The following TENM4 variants were observed in gnomAD, a reference collection of about 807,000 sequenced individuals.
TENM4 encodes the protein teneurin-4.
A neutral mutation model predicts 243.3 loss-of-function variants in TENM4; 82 were observed. The ratio of observed to expected loss-of-function variants is 0.34; its 90% CI spans 0.28 to 0.40. The LOEUF (loss-of-function observed/expected upper bound fraction) is 0.40. Among genes scored for constraint, TENM4 ranks in the 10% least tolerant of loss-of-function variants. TENM4 has a pLI of 1.00. For missense variants in TENM4, 3,138 were observed against 3,673.3 expected, an observed-to-expected ratio of 0.85 and a Z score of 3.77; for synonymous variants, 1,412 against 1,456.3, an observed-to-expected ratio of 0.97 and a Z score of 0.69.
chr11:78,941,113 C>T (rs142168750), intron 6 of TENM4, among the ~76,000 whole-genome samples: 47 of 152,310 alleles, frequency 3.1e-4, no homozygotes, highest in African/African-American at 1.1e-3. Context: ...CACAGCCTGG[C>T]GGGTGCAAAG....
At chr11:79,148,232 G>T (rs1591315750) in intron 4 of TENM4, among the ~76,000 whole-genome samples, 1 of 152,246 alleles carries the variant, frequency 6.6e-6, no homozygotes, top group South Asian at 2.1e-4. Flanking sequence ...AGATCTTGAG[G>T]AGGGACATGC....
intron 6 of TENM4, among the ~76,000 whole-genome samples, chr11:78,910,499 G>C (rs892353834): frequency 6.6e-6 from 1 of 152,230 alleles, no homozygotes; most frequent in African/African-American, 2.4e-5. Context: ...TATCAACACA[G>C]TCAGCAGTCG....
rs1277131502 is a variant in TENM4 at position 79,438,160 on chromosome 11, TG to T, written c.-321+2348del. 6.6e-6 allele frequency among the ~76,000 whole-genome samples: 1 copy of T among 152,060 alleles called. No homozygotes were observed. Among genetic ancestry groups the T allele is most frequent in the African/African-American group, 2.4e-5 (1 of 41,406 alleles). ...ACATCACCATCTCCTGACTGCGGGC[TG>T]GGGGGAAGGGAGTTCAGGGCCAATG... On this transcript the variant is annotated intron_variant, in intron 1 of 33. Coordinates refer to ENST00000278550, the MANE Select transcript of TENM4 (RefSeq NM_001098816.3). The surrounding 1 kb of genome is among the most constrained non-coding windows in gnomAD (Gnocchi z 4.1).
intron 6 of TENM4, among the ~76,000 whole-genome samples, chr11:79,012,151 T>G (rs1011800194): frequency 1.3e-5 from 2 of 152,180 alleles, no homozygotes; most frequent in Non-Finnish European, 2.9e-5. Flanking sequence ...GACGCAAAGT[T>G]GAATTTGATC....
intron 12 of TENM4, among the ~76,000 whole-genome samples, chr11:78,825,993 C>T (rs1185986108): frequency 6.6e-6 from 1 of 151,014 alleles, no homozygotes; most frequent in African/African-American, 2.4e-5. Context: ...TGGGGAGCTG[C>T]TAATTAGTCT....
In TENM4 at chr11:78,673,749, G is replaced by A. The variant is rs149119675; in HGVS notation, c.5497-1420C>T. On this transcript the variant is annotated intron_variant, in intron 30 of 33. Transcript: ENST00000278550. Reference sequence around the variant, plus strand: ...TTCCATTAAATGACAGCAAACGATCGTGGTCATATCCCAGGAAGGAGAGAT... The same window carrying A: ...TTCCATTAAATGACAGCAAACGATCATGGTCATATCCCAGGAAGGAGAGAT... Among the ~76,000 whole-genome samples, 554 of 152,320 alleles carry A rather than the reference G, an allele frequency of 3.6e-3. 1 individual carries two copies. Among genetic ancestry groups the A allele is most frequent in the Non-Finnish European group, 6.8e-3 (464 of 68,018 alleles).
intron 6 of TENM4, among the ~76,000 whole-genome samples, chr11:78,910,175 G>T (rs909406107): frequency 6.6e-6 from 1 of 152,200 alleles, no homozygotes; most frequent in Non-Finnish European, 1.5e-5. Context: ...GTGCCAGGCT[G>T]AGTGCCCACA....
chr11:79,038,286 T>C (rs942609156), intron 6 of TENM4, among the ~76,000 whole-genome samples: 3 of 152,238 alleles, frequency 2.0e-5, no homozygotes, highest in Admixed American at 6.5e-5. Context: ...TAATCATGTC[T>C]ACTTAGATGC....
At chr11:79,048,445 G>A (rs886404470) in intron 6 of TENM4, among the ~76,000 whole-genome samples, 6 of 152,170 alleles carry the variant, frequency 3.9e-5, no homozygotes, top group African/African-American at 1.4e-4. Flanking sequence ...ACAGTAGGCA[G>A]TCTAGAGCAA....
At chr11:79,088,829 T>A (rs1292569904) in intron 4 of TENM4, among the ~76,000 whole-genome samples, 1 of 152,144 alleles carries the variant, frequency 6.6e-6, no homozygotes, top group Non-Finnish European at 1.5e-5. Flanking sequence ...TGTGCTGGGA[T>A]TGAAGGTGAC....
chr11:79,178,269 A>G (rs1863208315), intron 3 of TENM4, among the ~76,000 whole-genome samples: 2 of 152,178 alleles, frequency 1.3e-5, no homozygotes, highest in African/African-American at 4.8e-5. Flanking sequence ...AGGTTTGAGA[A>G]GAGCTGTTGC....
chr11:78,889,300 A>G (rs1855610785), intron 9 of TENM4, among the ~76,000 whole-genome samples: 1 of 152,202 alleles, frequency 6.6e-6, no homozygotes, highest in Admixed American at 6.5e-5. Context: ...CTTGCCAGAC[A>G]TCTACCTTCA....
chr11:79,158,666 C>T (rs1420678163), intron 3 of TENM4, among the ~76,000 whole-genome samples: 2 of 152,200 alleles, frequency 1.3e-5, no homozygotes, highest in African/African-American at 2.4e-5. Flanking sequence ...ATTCTACACA[C>T]ACTGTCACAT....
chr11:79,308,710 C>G (rs1338910633), intron 1 of TENM4, among the ~76,000 whole-genome samples: 1 of 152,160 alleles, frequency 6.6e-6, no homozygotes, highest in East Asian at 1.9e-4. Context: ...AGAGTTAACT[C>G]GAGGCTAGCA....
intron 3 of TENM4, among the ~76,000 whole-genome samples, chr11:79,170,851 C>A (rs138371651): frequency 2.0e-5 from 3 of 152,174 alleles, no homozygotes; most frequent in Non-Finnish European, 4.4e-5. Context: ...GCCGGAGAGA[C>A]CTTTTTATGC....
chr11:79,259,856 C>T (rs190986759), intron 2 of TENM4, among the ~76,000 whole-genome samples: 3 of 152,214 alleles, frequency 2.0e-5, no homozygotes, highest in African/African-American at 7.2e-5. Context: ...TTACTGTAGT[C>T]ACGCAAGATG....
intron 6 of TENM4, among the ~76,000 whole-genome samples, chr11:78,923,365 A>G (rs1281069374): frequency 6.6e-6 from 1 of 151,504 alleles, no homozygotes; most frequent in East Asian, 1.9e-4. Context: ...TTGAGTAACA[A>G]CAGTGTGGTT....
intron 10 of TENM4, among the ~76,000 whole-genome samples, chr11:78,859,004 T>C (rs1196935161): frequency 1.3e-5 from 2 of 152,162 alleles, no homozygotes; most frequent in African/African-American, 4.8e-5. Context: ...TCTTTATTTA[T>C]TAAAATATGG....
intron 6 of TENM4, among the ~76,000 whole-genome samples, chr11:78,988,284 G>A (rs1301182695): frequency 6.6e-6 from 1 of 152,196 alleles, no homozygotes; most frequent in Admixed American, 6.5e-5. Context: ...GTGTGAGTGA[G>A]CTACCTTAGT....
Sources: gnomAD v4.1 joint callset for allele counts (sites outside exome capture counted in the v4.1 genomes callset) on GRCh38, gnomAD v4.1.1 for gene constraint, Gnocchi (gnomAD v3.1) non-coding constraint, MANE v1.5 for transcripts, NCBI Gene and HGNC (gene_info 2026-07-23, HGNC 2026-07-21) for gene names.